C1orf21: variants seen among roughly 807,000 people sequenced by gnomAD.
C1orf21 encodes the protein uncharacterized protein C1orf21.
C1orf21 carries 3 observed loss-of-function variants against 18.7 expected under a neutral mutation model. The observed-to-expected ratio is 0.16, with a 90% CI of 0.07 to 0.42. The LOEUF is 0.42. C1orf21 is among the 10% of genes least tolerant of loss of function. The probability of loss-of-function intolerance (pLI) is 0.99; values close to 1 mark genes in which losing one functional copy is unlikely to be tolerated. For synonymous variants in C1orf21, 41 were observed against 46.4 expected, an observed-to-expected ratio of 0.88 and a Z score of 0.47; for missense variants, 104 against 143.6, an observed-to-expected ratio of 0.72 and a Z score of 1.41.
At position 184,392,879 on chromosome 1, in the gene C1orf21, A is replaced by G. The variant is rs1438950947; in HGVS notation, c.-125+5511A>G. ...GGTTTCATTCTGTCACCCAGGCTAG[A>G]GTGCAGTGGCACAATTTTGGCTCAC... On this transcript the variant is annotated intron_variant, in intron 1 of 5. Transcript: ENST00000235307. Among the ~76,000 whole-genome samples the G allele has an allele frequency of 2.3e-5, 3 of 131,772 alleles. No homozygotes were observed. In the East Asian group the frequency reaches 6.8e-4, roughly 30 times the overall value. 86.4% of individuals were successfully genotyped at this position (131,772 alleles called of 152,430 possible). A position where few individuals can be genotyped will look rare whatever the true frequency, so the allele number is the denominator to read the frequency against.
intron 1 of C1orf21, among the ~76,000 whole-genome samples, chr1:184,392,400 G>A (rs1326111073): frequency 6.6e-6 from 1 of 152,142 alleles, no homozygotes; most frequent in Non-Finnish European, 1.5e-5. Context: ...TGTACACATG[G>A]ACGTTTAGAG....
intron 2 of C1orf21, among the ~76,000 whole-genome samples, chr1:184,494,571 T>A (rs1657862670): frequency 6.6e-6 from 1 of 152,126 alleles, no homozygotes; most frequent in Admixed American, 6.5e-5. Flanking sequence ...TATTGGGGAA[T>A]GATTAAATAT....
At chr1:184,531,864 T>C (rs1281085332) in intron 3 of C1orf21, among the ~76,000 whole-genome samples, 1 of 152,214 alleles carries the variant, frequency 6.6e-6, no homozygotes, top group Non-Finnish European at 1.5e-5. Context: ...TGAGACATTT[T>C]TATCTTGGCC....
chr1:184,512,528 A>T lies in C1orf21; in HGVS notation c.189+4846A>T, dbSNP rs530165815. Among the ~76,000 whole-genome samples the T allele has an allele frequency of 6.5e-4, 99 of 152,314 alleles. No homozygotes were observed. The South Asian group carries it at 9.3e-3, about 14-fold the overall frequency. On this transcript the variant is annotated intron_variant, in intron 3 of 5. Transcript: ENST00000235307. ...ATGTACTCACAATATGAAGATGTTC[A>T]TTATCCCAGTTTTCATCACTGCTTA...
chr1:184,532,385 T>C (rs1160222578), intron 3 of C1orf21, among the ~76,000 whole-genome samples: 2 of 152,192 alleles, frequency 1.3e-5, no homozygotes. Context: ...CTATTATTAG[T>C]AGTGTTATTA....
At chr1:184,451,503 C>G (rs1231130256) in intron 1 of C1orf21, among the ~76,000 whole-genome samples, 1 of 140,054 alleles carries the variant, frequency 7.1e-6, no homozygotes, top group Admixed American at 7.3e-5. Context: ...CAGGGTCTCA[C>G]TGTGTTGCCC....
chr1:184,509,670 G>A (rs1343846981), intron 3 of C1orf21, among the ~76,000 whole-genome samples: 1 of 152,100 alleles, frequency 6.6e-6, no homozygotes, highest in Non-Finnish European at 1.5e-5. Flanking sequence ...ACATTGGAAG[G>A]TGGATAAAAT....
chr1:184,514,726 A>G (rs1247812226), intron 3 of C1orf21, among the ~76,000 whole-genome samples: 1 of 152,198 alleles, frequency 6.6e-6, no homozygotes, highest in East Asian at 1.9e-4. Context: ...AAATTAGAAA[A>G]TAACCTCCCT....
chr1:184,586,442 C>G (rs2101997149), intron 3 of C1orf21, among the ~76,000 whole-genome samples: 1 of 152,098 alleles, frequency 6.6e-6, no homozygotes, highest in East Asian at 1.9e-4. Context: ...CGCCACCTCG[C>G]CCGGCTAATT....
At chr1:184,602,166 TCTC>T (rs918982415) in intron 5 of C1orf21, among the ~76,000 whole-genome samples, 5 of 152,114 alleles carry the variant, frequency 3.3e-5, no homozygotes, top group African/African-American at 1.2e-4. Context: ...AGAGTGAGGT[TCTC>T]CTCCGTGGAA....
intron 5 of C1orf21, among the ~76,000 whole-genome samples, chr1:184,598,822 A>C (rs150693405): frequency 6.6e-6 from 1 of 152,294 alleles, no homozygotes; most frequent in African/African-American, 2.4e-5. Flanking sequence ...GCTGAAACCT[A>C]TCGAGGGCCT....
At chr1:184,421,285 T>A (rs1557968007) in intron 1 of C1orf21, among the ~76,000 whole-genome samples, 2 of 152,168 alleles carry the variant, frequency 1.3e-5, no homozygotes, top group African/African-American at 4.8e-5. Context: ...TTAAATTTTT[T>A]GTAGAAATGG....
chr1:184,573,723 G>T (rs1659146457), intron 3 of C1orf21, among the ~76,000 whole-genome samples: 1 of 151,902 alleles, frequency 6.6e-6, no homozygotes, highest in Non-Finnish European at 1.5e-5. Context: ...TGGTGGCCTG[G>T]AATTAAAAAT....
intron 5 of C1orf21, among the ~76,000 whole-genome samples, chr1:184,604,846 T>C (rs1659628876): frequency 6.6e-6 from 1 of 152,194 alleles, no homozygotes; most frequent in Non-Finnish European, 1.5e-5. Context: ...GCAACACACT[T>C]TCTTTTTTCT....
intron 1 of C1orf21, among the ~76,000 whole-genome samples, chr1:184,389,152 C>T (rs1655932743): frequency 2.0e-5 from 3 of 151,990 alleles, no homozygotes; most frequent in Admixed American, 1.3e-4. Flanking sequence ...TCAATGTTTA[C>T]TGCTGTGCAA....
At chr1:184,419,284 T>C (rs916654742) in intron 1 of C1orf21, among the ~76,000 whole-genome samples, 2 of 152,188 alleles carry the variant, frequency 1.3e-5, no homozygotes, top group Admixed American at 6.5e-5. Context: ...TAAAACGATA[T>C]CCTGTGCATA....
intron 5 of C1orf21, among the ~76,000 whole-genome samples, chr1:184,604,271 A>T (rs1659621992): frequency 6.6e-6 from 1 of 152,148 alleles, no homozygotes; most frequent in African/African-American, 2.4e-5. Flanking sequence ...AAAACCTGGG[A>T]CTGTCACGTC....
intron 1 of C1orf21, among the ~76,000 whole-genome samples, chr1:184,397,443 AG>A (rs1306252438): frequency 6.6e-6 from 1 of 152,162 alleles, no homozygotes; most frequent in Middle Eastern, 3.4e-3. Flanking sequence ...AAAATTAGCC[AG>A]GTGTGGTGGC....
chr1:184,441,644 T>C (rs1341822262), intron 1 of C1orf21, among the ~76,000 whole-genome samples: 1 of 152,202 alleles, frequency 6.6e-6, no homozygotes, highest in African/African-American at 2.4e-5. Flanking sequence ...TCATCTCCAT[T>C]TTATAGATGA....
Sources: gnomAD v4.1 joint callset for allele counts (sites outside exome capture counted in the v4.1 genomes callset) on GRCh38, gnomAD v4.1.1 for gene constraint, MANE v1.5 for transcripts, NCBI Gene and HGNC (gene_info 2026-07-23, HGNC 2026-07-21) for gene names.